The following CYRIB variants were observed in gnomAD, a reference collection of about 807,000 sequenced individuals.
CYRIB encodes CYFIP-related Rac1 interactor B.
CYRIB carries 8 observed loss-of-function variants against 44.2 expected under a neutral mutation model. The observed-to-expected ratio is 0.18, with a 90% CI of 0.11 to 0.33. The LOEUF (loss-of-function observed/expected upper bound fraction) is 0.33, where lower values mean the gene tolerates loss of function less well. Among genes scored for constraint, CYRIB ranks in the 10% least tolerant of loss-of-function variants. CYRIB has a pLI of 1.00. For missense variants in CYRIB, 185 were observed against 382.8 expected (o/e 0.48, Z 4.31); for synonymous variants, 131 against 127.2 (o/e 1.03, Z -0.20).
chr8:129,849,843 A>G (rs2042314838), intron 9 of CYRIB: 3 of 153,004 alleles, frequency 2.0e-5, no homozygotes, highest in African/African-American at 7.2e-5. Flanking sequence ...GTGAAAAATC[A>G]CTAGCTTAAT....
chr8:130,013,646 A>G (rs2097276586), intron 1 of CYRIB, among the ~76,000 whole-genome samples: 1 of 152,172 alleles, frequency 6.6e-6, no homozygotes, highest in Non-Finnish European at 1.5e-5. Context: ...GATGGCAGTA[A>G]TGCTGAGCAC....
At chr8:129,897,583 C>T (rs1191870755) in intron 2 of CYRIB, among the ~76,000 whole-genome samples, 1 of 149,400 alleles carries the variant, frequency 6.7e-6, no homozygotes, top group South Asian at 2.2e-4. Context: ...CAAGACATCT[C>T]CTATCTAGTA....
chr8:129,974,360 A>T (rs1358040637), intron 1 of CYRIB, among the ~76,000 whole-genome samples: 1 of 152,110 alleles, frequency 6.6e-6, no homozygotes, highest in Non-Finnish European at 1.5e-5. Flanking sequence ...AACGTTGCTT[A>T]TTTTAAGAAG....
chr8:129,931,771 C>G (rs553190170), intron 1 of CYRIB, among the ~76,000 whole-genome samples: 2 of 150,840 alleles, frequency 1.3e-5, no homozygotes, highest in South Asian at 4.2e-4. Context: ...GGATTACAGG[C>G]GTGCACCACC....
rs138272808 is a variant in CYRIB at position 129,851,994 on chromosome 8, G to A, written c.633+168C>T. 5.3e-3 allele frequency: 2,132 copies of A among 403,100 alleles called. 8 individuals are homozygous for A. Among genetic ancestry groups the A allele is most frequent in the Non-Finnish European group, 6.6e-3 (1,508 of 227,170 alleles). 25.0% of individuals were successfully genotyped at this position (403,100 alleles called of 1,614,324 possible). A position where few individuals can be genotyped will look rare whatever the true frequency, so the allele number is the denominator to read the frequency against. ...ATCCCTCCAGAGAAACTGCAAATAC[G>A]TGGACAGGTGTGCACATGTGGGCCT... On this transcript the variant is annotated intron_variant, in intron 8 of 11. Coordinates refer to ENST00000519824, the Ensembl canonical transcript of CYRIB.
chr8:129,993,206 C>T (rs2096680897), intron 1 of CYRIB, among the ~76,000 whole-genome samples: 1 of 151,662 alleles, frequency 6.6e-6, no homozygotes, highest in African/African-American at 2.4e-5. Flanking sequence ...GCCTGGCAAA[C>T]ATAGTGAAAC....
chr8:129,849,514 A>C (rs1803680433), intron 9 of CYRIB, 145 bp from the exon 12 acceptor site: 1 of 673,546 alleles, frequency 1.5e-6, no homozygotes, highest in Non-Finnish European at 2.3e-6. Flanking sequence ...AAGTAGCCAC[A>C]CTGATACATT....
intron 1 of CYRIB, among the ~76,000 whole-genome samples, chr8:129,991,943 CAAAAAAAAAAA>C (rs35897320): frequency 3.6e-4 from 7 of 19,198 alleles, no homozygotes; most frequent in South Asian, 1.5e-3. Flanking sequence ...AGCAGAGTCG[CAAAAAAAAAAA>C]AAAAAAAAAA....
chr8:130,010,383 C>G, intron 1 of CYRIB, among the ~76,000 whole-genome samples: 1 of 152,226 alleles, frequency 6.6e-6, no homozygotes, highest in Admixed American at 6.5e-5. Context: ...GGCCTAGGTT[C>G]CAGTCCTGAC....
chr8:130,004,153 G>T (rs1398504290), intron 1 of CYRIB, among the ~76,000 whole-genome samples: 1 of 152,122 alleles, frequency 6.6e-6, no homozygotes, highest in Non-Finnish European at 1.5e-5. Context: ...AGAGACCCTC[G>T]GATAATCACA....
intron 2 of CYRIB, among the ~76,000 whole-genome samples, chr8:129,946,506 G>A (rs1039255847): frequency 3.3e-5 from 5 of 152,178 alleles, no homozygotes; most frequent in African/African-American, 4.8e-5. Context: ...AAGGGGAAGA[G>A]GACAGGGGAC....
intron 1 of CYRIB, among the ~76,000 whole-genome samples, chr8:129,991,623 C>T (rs917902128): frequency 5.3e-5 from 8 of 152,072 alleles, no homozygotes; most frequent in African/African-American, 1.7e-4. Flanking sequence ...GCAGCCCCTC[C>T]ACCTGGGACT....
In CYRIB at chr8:129,900,895, A is replaced by G. The variant is rs1054364945; in HGVS notation, c.-11+2417T>C. Reference sequence around the variant, plus strand: ...CGCCATGTGGGCCAGGCTGGTCTTGAACTCCTGGCCTCAAGTGATCCACCC... The same window carrying G: ...CGCCATGTGGGCCAGGCTGGTCTTGGACTCCTGGCCTCAAGTGATCCACCC... On this transcript the variant is annotated intron_variant, in intron 2 of 11. Coordinates refer to ENST00000519824, the Ensembl canonical transcript of CYRIB. 1.3e-4 allele frequency among the ~76,000 whole-genome samples: 20 copies of G among 152,228 alleles called. 1 individual carries two copies. Among genetic ancestry groups the G allele is most frequent in the Admixed American group, 1.3e-3 (20 of 15,294 alleles).
chr8:129,876,329 C>A (rs1043445600), intron 3 of CYRIB, among the ~76,000 whole-genome samples: 12 of 151,988 alleles, frequency 7.9e-5, no homozygotes, highest in Non-Finnish European at 1.5e-4. Context: ...GAGATCATGC[C>A]GCTGCACTCC....
At chr8:129,997,828 A>C (rs1395487185) in intron 1 of CYRIB, among the ~76,000 whole-genome samples, 1 of 152,122 alleles carries the variant, frequency 6.6e-6, no homozygotes, top group Non-Finnish European at 1.5e-5. Context: ...GCACCTAAAG[A>C]AGCTCAGAAA....
intron 10 of CYRIB, 22 bp downstream of exon 12, chr8:129,849,221 T>A: frequency 6.4e-7 from 1 of 1,563,664 alleles, no homozygotes; most frequent in Non-Finnish European, 8.6e-7. Flanking sequence ...TTTGAAATTA[T>A]TTATATAAAA....
At chr8:129,929,567 T>C (rs972024512) in intron 1 of CYRIB, among the ~76,000 whole-genome samples, 3 of 152,204 alleles carry the variant, frequency 2.0e-5, no homozygotes, top group Non-Finnish European at 2.9e-5. Flanking sequence ...AAACTTAGTA[T>C]ATAATTATGT....
intron 1 of CYRIB, among the ~76,000 whole-genome samples, chr8:129,928,732 A>G (rs761265821): frequency 2.0e-5 from 3 of 152,156 alleles, no homozygotes; most frequent in Non-Finnish European, 4.4e-5. Context: ...ATTAGTGATT[A>G]GGGAAACTCA....
At chr8:129,913,682 C>A (rs1425657577) in intron 1 of CYRIB, among the ~76,000 whole-genome samples, 1 of 152,138 alleles carries the variant, frequency 6.6e-6, no homozygotes, top group African/African-American at 2.4e-5. Flanking sequence ...AAATAAAGCA[C>A]GGGCTCTGGA....
Sources: allele counts gnomAD v4.1 joint callset (sites outside exome capture counted in the v4.1 genomes callset), GRCh38; gene constraint gnomAD v4.1.1; transcripts MANE v1.5; gene names NCBI Gene and HGNC (gene_info 2026-07-23, HGNC 2026-07-21).